Variants in CUX1 observed in about 807,000 individuals in gnomAD.
CUX1 encodes the protein cut like homeobox 1, also known as protein CASP.
In CUX1, 31 loss-of-function variants were observed where a neutral mutation model predicts 158.8. The observed-to-expected ratio is 0.20, with a 90% confidence interval of 0.15 to 0.26. The LOEUF is 0.26. Ranked by LOEUF, CUX1 falls within the 10% of genes least tolerant of loss-of-function variation. The probability of loss-of-function intolerance (pLI) is 1.00; values close to 1 mark genes in which losing one functional copy is unlikely to be tolerated. For missense variants in CUX1, 1,589 were observed against 2,014.6 expected (o/e 0.79, Z 4.04); for synonymous variants, 879 against 862.1 (o/e 1.02, Z -0.34).
intron 2 of CUX1, among the ~76,000 whole-genome samples, chr7:101,966,645 T>C (rs994863155): frequency 6.6e-6 from 1 of 152,088 alleles, no homozygotes; most frequent in Non-Finnish European, 1.5e-5. Flanking sequence ...CCCATGGTCA[T>C]GTGGAGGGAA....
chr7:101,816,755 A>C (rs1791849595), upstream of CUX1, among the ~76,000 whole-genome samples: 1 of 140,024 alleles, frequency 7.1e-6, no homozygotes, highest in Non-Finnish European at 1.6e-5. Flanking sequence ...CAGAGCGGCC[A>C]CCGGCGGCGG....
intron 1 of CUX1, among the ~76,000 whole-genome samples, chr7:101,822,760 G>A (rs2130926399): frequency 6.6e-6 from 1 of 152,156 alleles, no homozygotes; most frequent in South Asian, 2.1e-4. Flanking sequence ...AATTAGCCTG[G>A]CGTGGTGGCG....
chr7:101,906,975 CT>C (rs1009263164), intron 1 of CUX1, among the ~76,000 whole-genome samples: 1 of 152,168 alleles, frequency 6.6e-6, no homozygotes, highest in African/African-American at 2.4e-5. Context: ...GAGATGCCCC[CT>C]CTGGCCCACG....
chr7:102,237,793 C>T, intron 22 of CUX1, among the ~76,000 whole-genome samples: 1 of 152,150 alleles, frequency 6.6e-6, no homozygotes, highest in South Asian at 2.1e-4. Context: ...GGTAGTGGCC[C>T]CAAATGCCAG....
intron 2 of CUX1, among the ~76,000 whole-genome samples, chr7:101,993,044 C>T (rs917400314): frequency 6.6e-6 from 1 of 152,070 alleles, no homozygotes; most frequent in African/African-American, 2.4e-5. Flanking sequence ...AAAAGAAGGG[C>T]TTGGGCCAGG....
chr7:102,166,326 AGTGCTCAGGCTTGGCGAGGGGCC>A (rs1200987052), intron 9 of CUX1, among the ~76,000 whole-genome samples: 23 of 152,336 alleles, frequency 1.5e-4, no homozygotes, highest in African/African-American at 5.5e-4. Context: ...CTCCCAGGAC[AGTGCTCAGGCTTGGCGAGGGGCC>A]GTTCTCATGG....
Position 101,928,484 on chromosome 7 carries a change from C to T in CUX1, c.141+12259C>T, listed in dbSNP as rs568483525. The stretch of plus-strand genomic sequence containing the variant: ...CTCCCAGGTTCAAGTGATTCTCCTG[C>T]CTCAACCTCCCAAGTAGCTGGGACT... On this transcript the variant is annotated intron_variant, in intron 2 of 23. Transcript: ENST00000292535. Among the ~76,000 whole-genome samples, 3 of 150,490 alleles carry T rather than the reference C, an allele frequency of 2.0e-5. No homozygotes were observed. In the Admixed American group the frequency reaches 2.0e-4, roughly 10 times the overall value.
chr7:101,843,190 T>C (rs1584732665), intron 1 of CUX1, among the ~76,000 whole-genome samples: 1 of 152,144 alleles, frequency 6.6e-6, no homozygotes, highest in East Asian at 1.9e-4. Context: ...TTTTGTTTGT[T>C]TTTGGTTTCC....
intron 1 of CUX1, among the ~76,000 whole-genome samples, chr7:101,897,202 G>GAC (rs1350205427): frequency 1.3e-5 from 2 of 152,232 alleles, no homozygotes; most frequent in Non-Finnish European, 2.9e-5. Flanking sequence ...GTCCCTGGAT[G>GAC]ACAGCGCAGA....
At chr7:102,136,985 G>A (rs1563295154) in intron 8 of CUX1, among the ~76,000 whole-genome samples, 1 of 152,096 alleles carries the variant, frequency 6.6e-6, no homozygotes, top group African/African-American at 2.4e-5. Flanking sequence ...ACGCTTGATT[G>A]TCCCAGCCCA....
chr7:102,102,247 C>CCTCTT (rs74282188), intron 5 of CUX1, among the ~76,000 whole-genome samples: 94,060 of 150,672 alleles, frequency 0.62, 30,862 homozygotes, highest in African/African-American at 0.79. Flanking sequence ...AAAAGGCCAA[C>CCTCTT]CTCTTAACAA....
intron 8 of CUX1, among the ~76,000 whole-genome samples, chr7:102,138,933 C>T (rs1834167665): frequency 6.6e-6 from 1 of 152,138 alleles, no homozygotes; most frequent in Non-Finnish European, 1.5e-5. Flanking sequence ...GCCATTTTAG[C>T]TTTCACTAAA....
At chr7:102,262,816 C>T (rs1208765538), downstream of CUX1, among the ~76,000 whole-genome samples, 1 of 152,142 alleles carries the variant, frequency 6.6e-6, no homozygotes, top group African/African-American at 2.4e-5. Context: ...ATCCACTCGC[C>T]CGTGAGCTAA....
chr7:102,108,905 A>G (rs1331309960), intron 6 of CUX1, among the ~76,000 whole-genome samples: 1 of 152,066 alleles, frequency 6.6e-6, no homozygotes, highest in Non-Finnish European at 1.5e-5. Flanking sequence ...CAGGTGCCCA[A>G]CATCACACCC....
intron 1 of CUX1, among the ~76,000 whole-genome samples, chr7:101,915,742 A>C (rs1031128176): frequency 6.6e-6 from 1 of 152,168 alleles, no homozygotes; most frequent in Admixed American, 6.5e-5. Flanking sequence ...TGGGAAGAAG[A>C]GGCGTGGAGC....
chr7:102,244,614 G>A (rs782383437), intron 23 of CUX1, among the ~76,000 whole-genome samples: 5 of 152,088 alleles, frequency 3.3e-5, no homozygotes, highest in African/African-American at 1.2e-4. Context: ...AGAATCACTT[G>A]AGGAGGTTGA....
intron 4 of CUX1, among the ~76,000 whole-genome samples, chr7:102,082,772 A>G (rs1827567489): frequency 6.8e-6 from 1 of 147,314 alleles, no homozygotes; most frequent in Admixed American, 6.8e-5. Flanking sequence ...CATCTAAGTT[A>G]CTGGTGTCAT....
intron 3 of CUX1, among the ~76,000 whole-genome samples, chr7:102,046,569 A>ATTTTTTTTTTTTTTTTTTTTTTTTTTTTT (rs55753644): frequency 9.0e-5 from 5 of 55,480 alleles, no homozygotes; most frequent in Admixed American, 2.3e-4. Context: ...TTTGGTTTGG[A>ATTTTTTTTTTTTTTTTTTTTTTTTTTTTT]TTTTTTTTTT....
At chr7:101,981,964 G>A (rs1468000575) in intron 2 of CUX1, among the ~76,000 whole-genome samples, 1 of 152,184 alleles carries the variant, frequency 6.6e-6, no homozygotes, top group African/African-American at 2.4e-5. Context: ...AGCCACATAA[G>A]TGGGAGGGAA....
Sources: gnomAD v4.1 joint callset for allele counts (sites outside exome capture counted in the v4.1 genomes callset) on GRCh38, gnomAD v4.1.1 for gene constraint, MANE v1.5 for transcripts, NCBI Gene and HGNC (gene_info 2026-07-23, HGNC 2026-07-21) for gene names.